The following TGFBR2 variants were observed in gnomAD, a reference collection of about 807,000 sequenced individuals.
The protein encoded by TGFBR2 is TGF-beta receptor type-2.
Under a neutral mutation model 49.0 loss-of-function variants are expected in TGFBR2, and 18 were observed. The observed-to-expected ratio is 0.37, with a 90% CI of 0.25 to 0.54. The LOEUF (loss-of-function observed/expected upper bound fraction) is 0.54, where lower values mean the gene tolerates loss of function less well. TGFBR2 is among the 20% of genes least tolerant of loss of function. The pLI is 0.85. For missense variants in TGFBR2, 525 were observed against 722.6 expected (o/e 0.73, Z 3.13); for synonymous variants, 282 against 275.9 (o/e 1.02, Z -0.22).
intron 3 of TGFBR2, among the ~76,000 whole-genome samples, chr3:30,653,771 T>C (rs1698944558): frequency 6.6e-6 from 1 of 152,248 alleles, no homozygotes; most frequent in South Asian, 2.1e-4. Flanking sequence ...TATGGATCTT[T>C]ATTTCTAGTG....
intron 3 of TGFBR2, 30 bp downstream of exon 3, chr3:30,650,490 C>A (rs770336561): frequency 6.2e-7 from 1 of 1,612,336 alleles, no homozygotes; most frequent in East Asian, 2.2e-5. Flanking sequence ...GGGTGTGGGA[C>A]CTGAGATCTG....
Position 30,607,061 on chromosome 3 carries a change from C to G in TGFBR2, c.94+84C>G. The G allele has an allele frequency of 4.2e-6, 5 of 1,180,000 alleles. No homozygotes were observed. The Middle Eastern group carries it at 6.3e-4, about 149-fold the overall frequency. The allele number at this position is 1,180,000 out of a possible 1,614,324, so 73.1% of individuals were successfully genotyped here. A position where few individuals can be genotyped will look rare whatever the true frequency, so the allele number is the denominator to read the frequency against. Reference sequence around the variant, plus strand: ...CTCTCCGCTGCGCTTGACAGTCGGGCCCGGCAACCCGGCCCCCGGGCGGAA... The same window carrying G: ...CTCTCCGCTGCGCTTGACAGTCGGGGCCGGCAACCCGGCCCCCGGGCGGAA... On this transcript the variant is annotated intron_variant, in intron 1 of 6. Coordinates refer to ENST00000295754, the MANE Select transcript of TGFBR2 (RefSeq NM_003242.6).
intron 3 of TGFBR2, among the ~76,000 whole-genome samples, chr3:30,664,061 T>A (rs1174496098): frequency 1.3e-5 from 2 of 152,046 alleles, no homozygotes; most frequent in Non-Finnish European, 2.9e-5. Flanking sequence ...TATAGCTCAC[T>A]GCAGTCTTGA....
At chr3:30,669,061 A>C (rs1699291851) in intron 3 of TGFBR2, among the ~76,000 whole-genome samples, 1 of 148,540 alleles carries the variant, frequency 6.7e-6, no homozygotes, top group Admixed American at 6.8e-5. Context: ...GCAGATCACA[A>C]GGTCAGGAGT....
At chr3:30,610,442 C>T (rs773703211) in intron 1 of TGFBR2, among the ~76,000 whole-genome samples, 29 of 152,148 alleles carry the variant, frequency 1.9e-4, no homozygotes, top group Non-Finnish European at 2.6e-4. Flanking sequence ...TGCCTTGTCA[C>T]GGAGCCCCAG....
At chr3:30,667,869 G>A (rs1699270600) in intron 3 of TGFBR2, among the ~76,000 whole-genome samples, 1 of 152,004 alleles carries the variant, frequency 6.6e-6, no homozygotes, top group Non-Finnish European at 1.5e-5. Context: ...TTCACATTTG[G>A]CCAAAGTGAA....
chr3:30,643,705 T>C (rs945133013), intron 1 of TGFBR2, among the ~76,000 whole-genome samples: 5 of 152,238 alleles, frequency 3.3e-5, no homozygotes, highest in African/African-American at 1.2e-4. Context: ...GTTCTCTTCC[T>C]GGCACTGGAG....
At chr3:30,633,551 T>G (rs1698475275) in intron 1 of TGFBR2, among the ~76,000 whole-genome samples, 1 of 152,114 alleles carries the variant, frequency 6.6e-6, no homozygotes, top group African/African-American at 2.4e-5. Flanking sequence ...TTGTAAACAT[T>G]CAGGTGGCCA....
chr3:30,607,019 C>T, intron 1 of TGFBR2, 42 bp downstream of exon 1: 2 of 1,511,226 alleles, frequency 1.3e-6, no homozygotes, highest in African/African-American at 1.4e-5. Flanking sequence ...CGCCGGGGGT[C>T]TTCCTGGGGT....
intron 3 of TGFBR2, among the ~76,000 whole-genome samples, chr3:30,664,787 A>G (rs919747873): frequency 6.6e-6 from 1 of 152,268 alleles, no homozygotes; most frequent in African/African-American, 2.4e-5. Flanking sequence ...TATTTTAAAT[A>G]AAAGTCACTT....
At chr3:30,627,205 A>C (rs902694294) in intron 1 of TGFBR2, among the ~76,000 whole-genome samples, 1 of 152,172 alleles carries the variant, frequency 6.6e-6, no homozygotes, top group African/African-American at 2.4e-5. Context: ...CACCTCTGGA[A>C]TAAGGTGTGA....
intron 1 of TGFBR2, among the ~76,000 whole-genome samples, chr3:30,637,418 GAT>G (rs2125398162): frequency 6.6e-6 from 1 of 152,324 alleles, no homozygotes; most frequent in South Asian, 2.1e-4. Flanking sequence ...CCAGAACACA[GAT>G]ACCTTAAATG....
chr3:30,652,370 G>A (rs895961840), intron 3 of TGFBR2, among the ~76,000 whole-genome samples: 1 of 151,852 alleles, frequency 6.6e-6, no homozygotes, highest in South Asian at 2.1e-4. Flanking sequence ...GAGTAGGTGG[G>A]ACTGCAGGAG....
chr3:30,679,214 C>G (rs1340434723), intron 5 of TGFBR2, among the ~76,000 whole-genome samples: 1 of 152,138 alleles, frequency 6.6e-6, no homozygotes, highest in Non-Finnish European at 1.5e-5. Flanking sequence ...GCAGTGAGCT[C>G]AAAGGACTGA....
intron 3 of TGFBR2, among the ~76,000 whole-genome samples, chr3:30,655,691 T>C (rs1575149350): frequency 6.6e-6 from 1 of 152,374 alleles, no homozygotes; most frequent in East Asian, 1.9e-4. Flanking sequence ...TCTCTTTGAA[T>C]GACTGCGCCA....
At chr3:30,622,591 A>C (rs886765933) in intron 1 of TGFBR2, among the ~76,000 whole-genome samples, 1 of 152,124 alleles carries the variant, frequency 6.6e-6, no homozygotes, top group Non-Finnish European at 1.5e-5. Context: ...GCAGATAGAA[A>C]ACTAGTACCA....
At chr3:30,613,445 G>A (rs1340644875) in intron 1 of TGFBR2, among the ~76,000 whole-genome samples, 1 of 152,068 alleles carries the variant, frequency 6.6e-6, no homozygotes. Flanking sequence ...TCTTCCTGAA[G>A]GCTGTCATTG....
intron 4 of TGFBR2, among the ~76,000 whole-genome samples, chr3:30,673,360 A>G (rs1699376030): frequency 6.6e-6 from 1 of 152,208 alleles, no homozygotes; most frequent in African/African-American, 2.4e-5. Flanking sequence ...CTTTATTGTT[A>G]TTTAGTCAGT....
intron 5 of TGFBR2, among the ~76,000 whole-genome samples, chr3:30,679,496 C>T (rs1699498257): frequency 6.6e-6 from 1 of 152,144 alleles, no homozygotes; most frequent in Admixed American, 6.5e-5. Context: ...CAAAATTCCA[C>T]CAGGGGCCTC....
Sources: gnomAD v4.1 joint callset for allele counts (sites outside exome capture counted in the v4.1 genomes callset) on GRCh38, gnomAD v4.1.1 for gene constraint, MANE v1.5 for transcripts, NCBI Gene and HGNC (gene_info 2026-07-23, HGNC 2026-07-21) for gene names.